Variants in SENP6 observed in about 807,000 individuals in gnomAD.
SENP6 encodes the protein SUMO specific peptidase 6, also known as sentrin-specific protease 6.
Under a neutral mutation model 134.5 loss-of-function variants are expected in SENP6, and 41 were observed. The ratio of observed to expected loss-of-function variants is 0.30; its 90% CI spans 0.24 to 0.40. The LOEUF (loss-of-function observed/expected upper bound fraction) is 0.40, where lower values mean the gene tolerates loss of function less well. Ranked by LOEUF, SENP6 falls within the 10% of genes least tolerant of loss-of-function variation. The pLI, the probability that SENP6 is intolerant of heterozygous loss-of-function variation, is 1.00. For missense variants in SENP6, 1,248 were observed against 1,312.5 expected (o/e 0.95, Z 0.76); for synonymous variants, 395 against 429.8 (o/e 0.92, Z 1.00).
At chr6:75,662,634 C>T (rs747146607) in intron 8 of SENP6, among the ~76,000 whole-genome samples, 2 of 151,912 alleles carry the variant, frequency 1.3e-5, no homozygotes, top group East Asian at 1.9e-4. Flanking sequence ...GCATTTTGTT[C>T]GTAATTCTCA....
intron 7 of SENP6, among the ~76,000 whole-genome samples, chr6:75,652,234 T>C (rs1770921223): frequency 6.6e-6 from 1 of 151,312 alleles, no homozygotes; most frequent in Non-Finnish European, 1.5e-5. Flanking sequence ...CCTTACAACT[T>C]TTTTTTGACC....
At chr6:75,712,968 G>C (rs2149908484) in intron 21 of SENP6, among the ~76,000 whole-genome samples, 1 of 152,100 alleles carries the variant, frequency 6.6e-6, no homozygotes, top group Non-Finnish European at 1.5e-5. Flanking sequence ...TTAGCTGAGT[G>C]TGGTCACATA....
intron 7 of SENP6, among the ~76,000 whole-genome samples, chr6:75,653,233 G>T (rs535269553): frequency 6.6e-6 from 1 of 152,076 alleles, no homozygotes; most frequent in Non-Finnish European, 1.5e-5. Context: ...GTTTCTCCAT[G>T]TTGGTCAGTC....
At chr6:75,604,591 C>G (rs889282927) in intron 1 of SENP6, among the ~76,000 whole-genome samples, 2 of 151,066 alleles carry the variant, frequency 1.3e-5, no homozygotes, top group Non-Finnish European at 2.9e-5. Flanking sequence ...CGCCACTGCA[C>G]TCCAGCCAGG....
At chr6:75,638,614 ATATATATATTTTTT>A (rs1300260753) in intron 5 of SENP6, among the ~76,000 whole-genome samples, 25 of 35,862 alleles carry the variant, frequency 7.0e-4, no homozygotes, top group East Asian at 3.3e-3. Context: ...ATATATATAT[ATATATATATTTTTT>A]TTTTTTTTTT....
chr6:75,655,431 A>G (rs988590878), intron 7 of SENP6: 1 of 152,226 alleles, frequency 6.6e-6, no homozygotes, highest in African/African-American at 2.4e-5. Flanking sequence ...ACCTTAGGAA[A>G]GTTCCCTCAT....
At chr6:75,711,760 C>A (rs1254598512) in intron 21 of SENP6, among the ~76,000 whole-genome samples, 1 of 152,330 alleles carries the variant, frequency 6.6e-6, no homozygotes, top group East Asian at 1.9e-4. Context: ...ACAACCTCCA[C>A]CTCCCAGGTT....
intron 16 of SENP6, among the ~76,000 whole-genome samples, chr6:75,689,952 C>T (rs1353937546): frequency 6.6e-6 from 1 of 152,106 alleles, no homozygotes; most frequent in African/African-American, 2.4e-5. Flanking sequence ...GGGTCTCATT[C>T]TGTCACCCAT....
intron 10 of SENP6, among the ~76,000 whole-genome samples, chr6:75,667,816 A>G (rs1246417864): frequency 6.6e-6 from 1 of 152,216 alleles, no homozygotes. Flanking sequence ...ATATGGCTGA[A>G]AAAGTTAAGG....
At position 75,713,554 on chromosome 6, in the gene SENP6, G is replaced by C; in HGVS notation, c.2951G>C (p.Arg984Pro). 6.2e-7 allele frequency: 1 copy of C among 1,613,492 alleles called. No homozygotes were observed. ...LLMDSLRGPS[R>P]SNVVKILREY... ...ATGGACTCACTCCGAGGCCCTTCTC[G>C]GTCAAATGTTGTCAAAATTTTAAGA... The change falls in exon 22 of 24, where the codon CGG becomes CCG. Residue 984 changes from arginine to proline, a missense_variant. Transcript: ENST00000447266.
chr6:75,629,992 TAC>T (rs1454605364), intron 3 of SENP6, among the ~76,000 whole-genome samples: 1 of 152,084 alleles, frequency 6.6e-6, no homozygotes, highest in Non-Finnish European at 1.5e-5. Flanking sequence ...GGATTGGCCA[TAC>T]TTTGTTCTTT....
At chr6:75,682,975 C>T (rs368684914) in intron 16 of SENP6, among the ~76,000 whole-genome samples, 12 of 152,298 alleles carry the variant, frequency 7.9e-5, no homozygotes, top group Middle Eastern at 3.4e-3. Context: ...CTTGAGGAAT[C>T]GCCACACTGT....
chr6:75,614,908 G>A (rs988927736), intron 1 of SENP6, among the ~76,000 whole-genome samples: 10 of 152,170 alleles, frequency 6.6e-5, no homozygotes, highest in Admixed American at 6.5e-4. Flanking sequence ...TTTTGAGACA[G>A]AGTCTCACAC....
At chr6:75,642,510 T>C (rs144756449) in intron 6 of SENP6, among the ~76,000 whole-genome samples, 1 of 152,256 alleles carries the variant, frequency 6.6e-6, no homozygotes, top group African/African-American at 2.4e-5. Context: ...AGGAATGAGT[T>C]TGGCATGTCA....
chr6:75,629,928 C>G (rs1768980548), intron 3 of SENP6, among the ~76,000 whole-genome samples: 1 of 152,090 alleles, frequency 6.6e-6, no homozygotes, highest in African/African-American at 2.4e-5. Context: ...AAAGAAGAGA[C>G]TATTCCTAAG....
intron 9 of SENP6, among the ~76,000 whole-genome samples, chr6:75,666,161 T>TATATATATAAAACGTATATATG (rs781502666): frequency 7.0e-6 from 1 of 141,972 alleles, no homozygotes; most frequent in Non-Finnish European, 1.5e-5. Flanking sequence ...ACATATATGA[T>TATATATATAAAACGTATATATG]ATATATATAA....
At chr6:75,694,082 C>T (rs570093784) in intron 16 of SENP6, among the ~76,000 whole-genome samples, 56 of 152,234 alleles carry the variant, frequency 3.7e-4, no homozygotes, top group Non-Finnish European at 5.9e-4. Context: ...CATGGAGAAA[C>T]CCCGTCTCTA....
Position 75,631,584 on chromosome 6 carries a change from CAT to C in SENP6, c.208-1996_208-1995del, listed in dbSNP as rs368308579. ...GAATCAAATGAATTCTATTTCATGA[CAT>C]GTGAGCATAATATAAAACTCAAATC... On this transcript the variant is annotated intron_variant, in intron 3 of 23. Coordinates refer to ENST00000447266, the MANE Select transcript of SENP6 (RefSeq NM_015571.4). Among the ~76,000 whole-genome samples, 607 of 152,294 alleles carry C rather than the reference CAT, an allele frequency of 4.0e-3. 4 individuals are homozygous for C. The highest frequency in any genetic ancestry group is 0.014 in the African/African-American group (575 of 41,560).
intron 1 of SENP6, among the ~76,000 whole-genome samples, chr6:75,620,390 G>A (rs1011044370): frequency 1.3e-5 from 2 of 152,150 alleles, no homozygotes; most frequent in African/African-American, 4.8e-5. Context: ...AAGCTGGGAA[G>A]TTAGATCAAG....
Sources: allele counts gnomAD v4.1 joint callset (sites outside exome capture counted in the v4.1 genomes callset), GRCh38; gene constraint gnomAD v4.1.1; transcripts MANE v1.5; gene names NCBI Gene and HGNC (gene_info 2026-07-23, HGNC 2026-07-21).